SORCS1: variants seen among roughly 807,000 people sequenced by gnomAD.
The protein encoded by SORCS1 is VPS10 domain-containing receptor SorCS1.
In SORCS1, 60 loss-of-function variants were observed where a neutral mutation model predicts 146.1. That is an observed-to-expected ratio of 0.41 (90% CI 0.33 to 0.51). The LOEUF is 0.51. Ranked by LOEUF, SORCS1 falls within the 20% of genes least tolerant of loss-of-function variation. SORCS1 has a pLI of 0.21. For synonymous variants in SORCS1, 637 were observed against 584.0 expected (o/e 1.09, Z -1.31); for missense variants, 1,352 against 1,487.6 (o/e 0.91, Z 1.50).
intron 3 of SORCS1, among the ~76,000 whole-genome samples, chr10:106,790,575 T>A (rs1183366652): frequency 6.6e-6 from 1 of 152,158 alleles, no homozygotes; most frequent in Non-Finnish European, 1.5e-5. Flanking sequence ...ATACTTTTTT[T>A]TGAGAGGCTT....
At chr10:106,732,428 G>A (rs556602966) in intron 5 of SORCS1, among the ~76,000 whole-genome samples, 228 of 152,274 alleles carry the variant, frequency 1.5e-3, no homozygotes, top group Non-Finnish European at 2.7e-3. Flanking sequence ...TTTCTGACAA[G>A]ACTGCAAGTC....
chr10:106,832,738 A>C (rs566779438), intron 2 of SORCS1, among the ~76,000 whole-genome samples: 2 of 152,280 alleles, frequency 1.3e-5, no homozygotes, highest in African/African-American at 4.8e-5. Flanking sequence ...TATATTAATA[A>C]ATTTAGCCTG....
chr10:107,045,749 ATG>A (rs987408045), intron 1 of SORCS1, among the ~76,000 whole-genome samples: 10 of 147,002 alleles, frequency 6.8e-5, no homozygotes, highest in African/African-American at 7.5e-5. Flanking sequence ...ATGTGTGTGT[ATG>A]TGTGTGTGTG....
chr10:106,604,158 C>G (rs1846421188), intron 23 of SORCS1, among the ~76,000 whole-genome samples: 1 of 152,168 alleles, frequency 6.6e-6, no homozygotes, highest in African/African-American at 2.4e-5. Flanking sequence ...GCCAGGAAAA[C>G]AGACGGAGAG....
chr10:106,805,920 C>A (rs181749355), intron 3 of SORCS1, among the ~76,000 whole-genome samples: 7 of 148,912 alleles, frequency 4.7e-5, no homozygotes, highest in African/African-American at 1.7e-4. Flanking sequence ...ATTAGCCAGG[C>A]GTGGTGGCAG....
chr10:106,957,391 C>T (rs1353453575), intron 1 of SORCS1, among the ~76,000 whole-genome samples: 4 of 151,888 alleles, frequency 2.6e-5, no homozygotes, highest in African/African-American at 9.7e-5. Context: ...AGGCTGGTCT[C>T]GAACTCCTGA....
intron 4 of SORCS1, among the ~76,000 whole-genome samples, chr10:106,766,107 G>A (rs2136288496): frequency 6.6e-6 from 1 of 152,274 alleles, no homozygotes; most frequent in African/African-American, 2.4e-5. Context: ...CTCCACACAG[G>A]CTCCTTAGGA....
intron 1 of SORCS1, among the ~76,000 whole-genome samples, chr10:107,107,698 A>T (rs1965401606): frequency 1.3e-5 from 2 of 152,176 alleles, no homozygotes; most frequent in Admixed American, 6.5e-5. Flanking sequence ...ATTCCAGGGG[A>T]GCCCGATATT....
intron 2 of SORCS1, among the ~76,000 whole-genome samples, chr10:106,928,376 C>T (rs968689963): frequency 2.0e-5 from 3 of 152,240 alleles, no homozygotes; most frequent in Non-Finnish European, 4.4e-5. Context: ...CAGGGGCCGG[C>T]AGGCTGCTCC....
At chr10:107,160,178 G>C (rs1282317004) in intron 1 of SORCS1, among the ~76,000 whole-genome samples, 1 of 152,188 alleles carries the variant, frequency 6.6e-6, no homozygotes, top group African/African-American at 2.4e-5. Context: ...ACCATCATCA[G>C]AAATCAACTC....
At chr10:107,141,283 A>G (rs1004676313) in intron 1 of SORCS1, among the ~76,000 whole-genome samples, 3 of 152,136 alleles carry the variant, frequency 2.0e-5, no homozygotes, top group Non-Finnish European at 2.9e-5. Context: ...GTAGAGAGGA[A>G]CTCAATGGAG....
chr10:107,107,981 G>T (rs1965419655), intron 1 of SORCS1, among the ~76,000 whole-genome samples: 1 of 152,222 alleles, frequency 6.6e-6, no homozygotes, highest in South Asian at 2.1e-4. Flanking sequence ...GCTGTGGACA[G>T]AGAGGAGGCC....
At chr10:106,812,357 C>T (rs1947506681) in intron 3 of SORCS1, among the ~76,000 whole-genome samples, 1 of 152,176 alleles carries the variant, frequency 6.6e-6, no homozygotes, top group African/African-American at 2.4e-5. Context: ...GTTCTCAGTA[C>T]ATTTCACATA....
intron 3 of SORCS1, among the ~76,000 whole-genome samples, chr10:106,800,160 T>A (rs927402722): frequency 4.5e-4 from 68 of 152,160 alleles, no homozygotes; most frequent in Non-Finnish European, 4.7e-4. Flanking sequence ...GTAATTGACC[T>A]ATAGAGGGTG....
intron 2 of SORCS1, among the ~76,000 whole-genome samples, chr10:106,851,915 G>A (rs565191998): frequency 5.9e-5 from 9 of 152,198 alleles, no homozygotes; most frequent in Admixed American, 2.0e-4. Context: ...TCTTGTGTGC[G>A]TATGTTGTTA....
chr10:106,829,974 C>A (rs1290157563), intron 2 of SORCS1, among the ~76,000 whole-genome samples: 1 of 152,088 alleles, frequency 6.6e-6, no homozygotes, highest in Non-Finnish European at 1.5e-5. Flanking sequence ...TTGATTTGAC[C>A]AAAGAATTAA....
intron 1 of SORCS1, among the ~76,000 whole-genome samples, chr10:107,148,074 G>A (rs972238362): frequency 6.6e-6 from 1 of 152,186 alleles, no homozygotes; most frequent in Non-Finnish European, 1.5e-5. Flanking sequence ...GAGCAAAGGG[G>A]CAGGGACGGA....
intron 24 of SORCS1, among the ~76,000 whole-genome samples, chr10:106,580,179 G>C (rs141406688): frequency 6.6e-6 from 1 of 152,142 alleles, no homozygotes. Context: ...GAAACTGATG[G>C]CCAAGTGAGT....
intron 1 of SORCS1, among the ~76,000 whole-genome samples, chr10:107,002,006 C>T (rs74154815): frequency 0.012 from 1,811 of 152,188 alleles, 21 homozygotes; most frequent in Middle Eastern, 0.034. Context: ...AATTATGATT[C>T]TGAAGGAAAA....
Sources: allele counts gnomAD v4.1 joint callset (sites outside exome capture counted in the v4.1 genomes callset), GRCh38; gene constraint gnomAD v4.1.1; transcripts MANE v1.5; gene names NCBI Gene and HGNC (gene_info 2026-07-23, HGNC 2026-07-21).